The following PCDHA8 variants were observed in gnomAD, a reference collection of about 807,000 sequenced individuals.
PCDHA8 encodes protocadherin alpha-8.
In PCDHA8, 53 loss-of-function variants were observed where a neutral mutation model predicts 61.8. The ratio of observed to expected loss-of-function variants is 0.86; its 90% CI spans 0.69 to 1.08. PCDHA8 has a LOEUF of 1.08. Among genes scored for constraint, PCDHA8 ranks in the 50% least tolerant of loss-of-function variants. The pLI is 0.00. For missense variants in PCDHA8, 1,293 were observed against 1,245.0 expected, an observed-to-expected ratio of 1.04 and a Z score of -0.58; for synonymous variants, 618 against 556.6, an observed-to-expected ratio of 1.11 and a Z score of -1.55.
chr5:140,886,087 A>G (rs944362157), intron 1 of PCDHA8, among the ~76,000 whole-genome samples: 2 of 152,324 alleles, frequency 1.3e-5, no homozygotes, highest in Admixed American at 6.5e-5. Flanking sequence ...CAACCTGGAT[A>G]TTGACATTGA....
chr5:140,882,174 CG>C, intron 1 of PCDHA8: 1 of 1,514,752 alleles, frequency 6.6e-7, no homozygotes, highest in South Asian at 1.4e-5. Flanking sequence ...CGAATCCTTC[CG>C]CACTAGGAAG....
chr5:140,957,100 T>C (rs2095333217), intron 1 of PCDHA8, among the ~76,000 whole-genome samples: 1 of 152,328 alleles, frequency 6.6e-6, no homozygotes, highest in Non-Finnish European at 1.5e-5. Flanking sequence ...AATATTGCTA[T>C]GGACATGATT....
intron 1 of PCDHA8, among the ~76,000 whole-genome samples, chr5:140,918,860 A>G (rs1264660506): frequency 6.6e-6 from 1 of 152,218 alleles, no homozygotes; most frequent in Non-Finnish European, 1.5e-5. Context: ...TGCCTGAATC[A>G]TGAACTTTCA....
intron 1 of PCDHA8, among the ~76,000 whole-genome samples, chr5:140,954,141 T>C (rs1344784554): frequency 2.0e-5 from 3 of 152,208 alleles, no homozygotes; most frequent in Non-Finnish European, 4.4e-5. Flanking sequence ...TGCATAGTAT[T>C]CCATGGTGTA....
Position 140,847,574 on chromosome 5 carries a change from G to T in PCDHA8, c.2394+3859G>T, listed in dbSNP as rs1038933297. 2 of 149,278 alleles carry T rather than the reference G, an allele frequency of 1.3e-5. 1 individual carries two copies. The highest frequency in any genetic ancestry group is 3.0e-5 in the Non-Finnish European group (2 of 66,762). The allele number at this position is 149,278 out of a possible 1,614,324, so 9.2% of individuals were successfully genotyped here. On this transcript the variant is annotated intron_variant, in intron 1 of 3. Coordinates refer to ENST00000531613, the MANE Select transcript of PCDHA8 (RefSeq NM_018911.3). The stretch of plus-strand genomic sequence containing the variant: ...AACAGAAATTGCCCCGAGTACTAAG[G>T]ATGAGCAATAATGAAATTAAAACAT...
chr5:140,893,111 T>G (rs2063826181), intron 1 of PCDHA8, among the ~76,000 whole-genome samples: 1 of 152,236 alleles, frequency 6.6e-6, no homozygotes, highest in Non-Finnish European at 1.5e-5. Flanking sequence ...TATTCCGTTG[T>G]GCATATACAC....
chr5:140,882,164 C>T (rs2058984922), intron 1 of PCDHA8: 2 of 1,509,832 alleles, frequency 1.3e-6, no homozygotes. Flanking sequence ...ATACCTCTTG[C>T]GAATCCTTCC....
At chr5:141,009,577 C>T in intron 3 of PCDHA8, 50 bp from the exon 4 acceptor site, 1 of 1,584,324 alleles carries the variant, frequency 6.3e-7, no homozygotes, top group South Asian at 1.2e-5. Flanking sequence ...AGTGTGGCAT[C>T]AAGAGCATGT....
intron 1 of PCDHA8, chr5:140,871,278 G>A: frequency 6.2e-7 from 1 of 1,613,918 alleles, no homozygotes; most frequent in African/African-American, 1.3e-5. Context: ...GGTCGGCAAC[G>A]CCCACTGAGG....
intron 1 of PCDHA8, chr5:140,870,040 A>G: frequency 1.2e-6 from 2 of 1,613,768 alleles, no homozygotes; most frequent in Non-Finnish European, 1.7e-6. Flanking sequence ...TGAAGAAAAC[A>G]AGTTTTATAA....
rs1554213778 is a variant in PCDHA8, at chr5:140,941,190, T to TC, written c.2395-37759_2395-37758insC. ...CCATCTTGAACATCCTGCTTCTTTT[T>TC]TTTTCTTTCTTCCTTTCTTTCTTCC... On this transcript the variant is annotated intron_variant, in intron 1 of 3. Coordinates refer to ENST00000531613, the MANE Select transcript of PCDHA8 (RefSeq NM_018911.3). Among the ~76,000 whole-genome samples, 446 of 129,506 alleles carry TC rather than the reference T, an allele frequency of 3.4e-3. 3 individuals are homozygous for TC. Among genetic ancestry groups the TC allele is most frequent in the South Asian group, 0.026 (101 of 3,954 alleles). The allele number at this position is 129,506 out of a possible 152,430, so 85.0% of individuals were successfully genotyped here.
chr5:140,848,711 G>A (rs2150418509), intron 1 of PCDHA8: 14 of 1,592,432 alleles, frequency 8.8e-6, no homozygotes, highest in Non-Finnish European at 1.2e-5. Flanking sequence ...AAGGCCGCGG[G>A]GACCTTCTGG....
chr5:140,928,757 G>T (rs372744198), intron 1 of PCDHA8: 1 of 1,614,092 alleles, frequency 6.2e-7, no homozygotes, highest in African/African-American at 1.3e-5. Context: ...CGTACTGCTC[G>T]CTTAGTTCTT....
chr5:140,938,734 AT>A (rs1207782725), intron 1 of PCDHA8, among the ~76,000 whole-genome samples: 1 of 152,136 alleles, frequency 6.6e-6, no homozygotes, highest in Admixed American at 6.5e-5. Flanking sequence ...ACAGAAAAAA[AT>A]AATTATTTTT....
chr5:140,843,046 C>T lies in PCDHA8; in HGVS notation c.1725C>T (p.Gly575=), dbSNP rs2150350953. ...AGCCTCGGGTGGGTGGCACTGGTGGCGCAGCGAGCAAGCTGGTGCCGCGGT... is the reference window on the plus strand; with the variant it reads ...AGCCTCGGGTGGGTGGCACTGGTGGTGCAGCGAGCAAGCTGGTGCCGCGGT... ...LLEPRVGGTG[G]AASKLVPRSV... is the part of the protein sequence containing the mutation. The change falls in exon 1 of 4, where the codon GGC becomes GGT. Residue 575 remains glycine (G), a synonymous_variant. Transcript: ENST00000531613. The T allele has an allele frequency of 2.5e-6, 4 of 1,594,998 alleles. 1 individual carries two copies. The highest frequency in any genetic ancestry group is 1.7e-5 in the Admixed American group (1 of 59,286).
chr5:140,889,063 A>G (rs1423499022), intron 1 of PCDHA8, among the ~76,000 whole-genome samples: 2 of 151,938 alleles, frequency 1.3e-5, no homozygotes, highest in Non-Finnish European at 2.9e-5. Context: ...CTTTTAATAT[A>G]CTACTTATTT....
intron 1 of PCDHA8, among the ~76,000 whole-genome samples, chr5:140,969,939 G>A (rs188120855): frequency 4.6e-5 from 7 of 152,340 alleles, no homozygotes; most frequent in Admixed American, 2.6e-4. Context: ...ACATCATACT[G>A]AAGCTAAAGT....
At chr5:140,848,653 G>A (rs2150416159) in intron 1 of PCDHA8, 1 of 1,592,724 alleles carries the variant, frequency 6.3e-7, no homozygotes, top group Admixed American at 1.7e-5. Context: ...CAGGACCTGG[G>A]GCTGGAGCTG....
At chr5:140,869,630 A>G in intron 1 of PCDHA8, 2 of 1,613,720 alleles carry the variant, frequency 1.2e-6, no homozygotes, top group Non-Finnish European at 8.5e-7. Context: ...AGTAAAAATG[A>G]GTATTTTTCT....
Sources: gnomAD v4.1 joint callset for allele counts (sites outside exome capture counted in the v4.1 genomes callset) on GRCh38, gnomAD v4.1.1 for gene constraint, MANE v1.5 for transcripts, NCBI Gene and HGNC (gene_info 2026-07-23, HGNC 2026-07-21) for gene names.